Variants in RAP1GDS1 observed in about 807,000 individuals in gnomAD.
RAP1GDS1 encodes the protein Rap1 GTPase-GDP dissociation stimulator 1, also known as RAP1, GTP-GDP dissociation stimulator 1.
Under a neutral mutation model 71.1 loss-of-function variants are expected in RAP1GDS1, and 35 were observed. The observed-to-expected ratio is 0.49, with a 90% CI of 0.38 to 0.65. The LOEUF is 0.65. Ranked by LOEUF, RAP1GDS1 falls within the 30% of genes least tolerant of loss-of-function variation. The pLI is 0.00. For missense variants in RAP1GDS1, 663 were observed against 706.1 expected, an observed-to-expected ratio of 0.94 and a Z score of 0.69; for synonymous variants, 229 against 243.1, an observed-to-expected ratio of 0.94 and a Z score of 0.54.
At chr4:98,286,573 A>G (rs2110265089) in intron 1 of RAP1GDS1, among the ~76,000 whole-genome samples, 1 of 152,274 alleles carries the variant, frequency 6.6e-6, no homozygotes, top group South Asian at 2.1e-4. Context: ...AGACTAAAAT[A>G]GAGTTTTAAT....
intron 5 of RAP1GDS1, among the ~76,000 whole-genome samples, chr4:98,379,988 T>C (rs568178949): frequency 2.6e-5 from 4 of 151,842 alleles, no homozygotes; most frequent in Non-Finnish European, 5.9e-5. Flanking sequence ...TTCTTTACTT[T>C]CGTGTGTTGT....
At chr4:98,305,916 G>A (rs1483736332) in intron 2 of RAP1GDS1, among the ~76,000 whole-genome samples, 1 of 152,166 alleles carries the variant, frequency 6.6e-6, no homozygotes, top group African/African-American at 2.4e-5. Context: ...TTGAAATGAT[G>A]CTGTATGCCA....
At chr4:98,345,463 G>A (rs1736090160) in intron 3 of RAP1GDS1, among the ~76,000 whole-genome samples, 1 of 152,094 alleles carries the variant, frequency 6.6e-6, no homozygotes, top group Non-Finnish European at 1.5e-5. Context: ...ATGTGGGAGG[G>A]TAGCTTTGAC....
chr4:98,330,349 G>A (rs28438716), intron 2 of RAP1GDS1, among the ~76,000 whole-genome samples: 6,631 of 152,200 alleles, frequency 0.044, 349 homozygotes, highest in African/African-American at 0.13. Context: ...CCTCCCAGAC[G>A]GGGTGGCGGC....
At chr4:98,438,591 T>TATATATATATATATATATATATATATA (rs1491350968) in intron 14 of RAP1GDS1, among the ~76,000 whole-genome samples, 4 of 94,106 alleles carry the variant, frequency 4.3e-5, no homozygotes, top group East Asian at 2.6e-4. Flanking sequence ...TATATATATC[T>TATATATATATATATATATATATATATA]TTTTTTTTTT....
intron 13 of RAP1GDS1, among the ~76,000 whole-genome samples, chr4:98,435,868 G>A (rs929654543): frequency 1.3e-5 from 2 of 151,732 alleles, no homozygotes; most frequent in Admixed American, 6.6e-5. Context: ...TCAGGAGATC[G>A]AGACCATCCT....
intron 2 of RAP1GDS1, among the ~76,000 whole-genome samples, chr4:98,303,650 A>AATATAATATAATATAAT (rs1560801472): frequency 1.4e-5 from 2 of 147,800 alleles, no homozygotes; most frequent in Non-Finnish European, 3.0e-5. Flanking sequence ...AATATAATAT[A>AATATAATATAATATAAT]ATATAATATA....
intron 1 of RAP1GDS1, among the ~76,000 whole-genome samples, chr4:98,268,906 A>G (rs1356559694): frequency 1.3e-5 from 2 of 152,160 alleles, no homozygotes; most frequent in Admixed American, 1.3e-4. Context: ...GATTCAATGT[A>G]ATCCCTATCA....
In RAP1GDS1 at chr4:98,404,484, T is replaced by C. The variant is rs776130843; in HGVS notation, c.645T>C (p.Ser215=). ...AFGNLAELES[S]KEQFASTNIA... ...TTCTTTTTTATTTTACAGAGTCAAGTAAAGAACAGTTTGCCAGTACAAACA... is the reference window on the plus strand; with the variant it reads ...TTCTTTTTTATTTTACAGAGTCAAGCAAAGAACAGTTTGCCAGTACAAACA... The change falls in exon 7 of 15, where the codon AGT becomes AGC. Residue 215 remains serine (S), a synonymous_variant. Transcript: ENST00000408927. 1 of 1,595,796 alleles carries C rather than the reference T, an allele frequency of 6.3e-7. No homozygotes were observed. Among genetic ancestry groups the C allele is most frequent in the Admixed American group, 1.8e-5 (1 of 55,240 alleles).
At chr4:98,331,166 T>C (rs900887194) in intron 2 of RAP1GDS1, among the ~76,000 whole-genome samples, 3 of 152,126 alleles carry the variant, frequency 2.0e-5, no homozygotes, top group Non-Finnish European at 4.4e-5. Context: ...CGTGGCGGCA[T>C]GTGCCTGCAA....
intron 2 of RAP1GDS1, among the ~76,000 whole-genome samples, chr4:98,329,044 C>T (rs917635126): frequency 2.2e-4 from 34 of 152,168 alleles, no homozygotes; most frequent in African/African-American, 7.0e-4. Context: ...AACCAAGCAT[C>T]GTATGCACAT....
intron 2 of RAP1GDS1, among the ~76,000 whole-genome samples, chr4:98,324,919 A>T (rs952059302): frequency 5.9e-5 from 9 of 152,160 alleles, no homozygotes; most frequent in African/African-American, 1.7e-4. Flanking sequence ...AAATTGACAA[A>T]TGGGATCTCA....
chr4:98,389,160 T>C (rs1165249597), intron 5 of RAP1GDS1, among the ~76,000 whole-genome samples: 1 of 152,194 alleles, frequency 6.6e-6, no homozygotes, highest in Non-Finnish European at 1.5e-5. Context: ...AAATAAAATC[T>C]TGGGATTTTT....
At chr4:98,375,708 A>G (rs938085573) in intron 4 of RAP1GDS1, among the ~76,000 whole-genome samples, 1 of 152,154 alleles carries the variant, frequency 6.6e-6, no homozygotes, top group Non-Finnish European at 1.5e-5. Flanking sequence ...TCTCACAATC[A>G]TCCATCCTCA....
At position 98,388,107 on chromosome 4, in the gene RAP1GDS1, T is replaced by C. The variant is rs1404485001; in HGVS notation, c.509-3845T>C. On this transcript the variant is annotated intron_variant, in intron 5 of 14. Coordinates refer to ENST00000408927, the MANE Select transcript of RAP1GDS1 (RefSeq NM_001100427.2). ...TTATGTCAATAAGAATATCAACTTA[T>C]CCTACACAAACAGGACCCCTACTTA... 2.0e-5 allele frequency among the ~76,000 whole-genome samples: 3 copies of C among 152,280 alleles called. No homozygotes were observed. The East Asian group carries it at 5.8e-4, about 29-fold the overall frequency.
At position 98,293,495 on chromosome 4, in the gene RAP1GDS1, T is replaced by C. The variant is rs1578330890; in HGVS notation, c.92T>C (p.Leu31Pro). Residue 31 changes from leucine (L) to proline (P), a missense_variant, in exon 2 of 15, where the codon CTT (leucine) becomes CCT (proline). Physicochemically the swap from Leu to Pro is moderately conservative, Grantham distance 98. Coordinates refer to ENST00000408927, the MANE Select transcript of RAP1GDS1 (RefSeq NM_001100427.2). ...TTAGAAGGATGCTTGGATTGTCTGC[T>C]TCAAGCCCTGGCTCAAAATAGTAAG... is the stretch of plus-strand genomic sequence containing the variant. ...DSLEGCLDCLLQALAQNNTET... is the reference protein window; with the variant it reads ...DSLEGCLDCLPQALAQNNTET... 2.5e-6 allele frequency: 4 copies of C among 1,607,818 alleles called. No individual in the cohort carries two copies. The highest frequency in any genetic ancestry group is 1.7e-5 in the Admixed American group (1 of 58,876).
intron 2 of RAP1GDS1, among the ~76,000 whole-genome samples, chr4:98,309,102 G>C (rs942215155): frequency 6.6e-6 from 1 of 151,984 alleles, no homozygotes; most frequent in Non-Finnish European, 1.5e-5. Context: ...TTCACATATT[G>C]AGTGCGTGAT....
At chr4:98,410,201 A>T (rs1399283635) in intron 7 of RAP1GDS1, among the ~76,000 whole-genome samples, 1 of 152,220 alleles carries the variant, frequency 6.6e-6, no homozygotes, top group Non-Finnish European at 1.5e-5. Context: ...ATAACATATA[A>T]CTGACAGAGG....
chr4:98,371,725 T>C (rs1207618366), intron 4 of RAP1GDS1, among the ~76,000 whole-genome samples: 4 of 152,142 alleles, frequency 2.6e-5, no homozygotes, highest in Non-Finnish European at 5.9e-5. Context: ...CCCAAAGTGC[T>C]GGGATTACAG....
Sources: allele counts gnomAD v4.1 joint callset (sites outside exome capture counted in the v4.1 genomes callset), GRCh38; gene constraint gnomAD v4.1.1; transcripts MANE v1.5; gene names NCBI Gene and HGNC (gene_info 2026-07-23, HGNC 2026-07-21).